CNGB1: variants seen among roughly 807,000 people sequenced by gnomAD.
The protein encoded by CNGB1 is cyclic nucleotide gated channel subunit beta 1.
A neutral mutation model predicts 151.7 loss-of-function variants in CNGB1; 126 were observed. The observed-to-expected ratio is 0.83, with a 90% CI of 0.72 to 0.96. The LOEUF is 0.96. Ranked by LOEUF, CNGB1 falls within the 40% of genes least tolerant of loss-of-function variation. CNGB1 has a pLI of 0.00. For missense variants in CNGB1, 1,698 were observed against 1,627.0 expected (o/e 1.04, Z -0.75); for synonymous variants, 623 against 635.1 (o/e 0.98, Z 0.29).
At chr16:57,892,545 C>T (rs1236886447) in intron 31 of CNGB1, among the ~76,000 whole-genome samples, 1 of 152,178 alleles carries the variant, frequency 6.6e-6, no homozygotes, top group African/African-American at 2.4e-5. Flanking sequence ...ATCAACACTA[C>T]ATCCTTTTAC....
At chr16:57,968,486 G>A (rs950201776) in intron 1 of CNGB1, among the ~76,000 whole-genome samples, 1 of 152,128 alleles carries the variant, frequency 6.6e-6, no homozygotes, top group African/African-American at 2.4e-5. Flanking sequence ...GACAGAGTGA[G>A]ATCCTGTCTC....
At chr16:57,912,313 T>G (rs1426551339) in intron 24 of CNGB1, among the ~76,000 whole-genome samples, 2 of 152,208 alleles carry the variant, frequency 1.3e-5, no homozygotes, top group Non-Finnish European at 2.9e-5. Flanking sequence ...TAGAGCTGGC[T>G]GGGGGCTCCA....
rs1960896249 is a variant in CNGB1, at chr16:57,917,312, C to T, written c.2122G>A (p.Val708Met). 4.3e-6 allele frequency: 7 copies of T among 1,614,096 alleles called. No homozygotes were observed. The highest frequency in any genetic ancestry group is 4.5e-5 in the East Asian group (2 of 44,864). Residue 708 changes from valine (V) to methionine (M), a missense_variant, in exon 21 of 33, where the codon GTG becomes ATG. By Grantham distance (21) the Val-to-Met change is conservative. Transcript: ENST00000251102. ...CDLIYFLDIT[V>M]FQTRLQFVRG... ...ACAAACTGCAGGCGTGTCTGGAACA[C>T]GGTGATGTCCAGGAAGTAGATGAGG...
chr16:57,946,059 C>A (rs1194986703), intron 14 of CNGB1, among the ~76,000 whole-genome samples: 2 of 152,150 alleles, frequency 1.3e-5, no homozygotes, highest in Admixed American at 1.3e-4. Flanking sequence ...CCTGCCAAGG[C>A]CCCCTCTTGT....
At chr16:57,945,744 T>C (rs1311435734) in intron 14 of CNGB1, among the ~76,000 whole-genome samples, 3 of 152,240 alleles carry the variant, frequency 2.0e-5, no homozygotes, top group African/African-American at 7.2e-5. Flanking sequence ...ATCTGTGAAA[T>C]GGGATGAGAG....
chr16:57,944,816 C>CAGTG (rs1179810525), intron 14 of CNGB1, among the ~76,000 whole-genome samples: 1 of 151,362 alleles, frequency 6.6e-6, no homozygotes, highest in Non-Finnish European at 1.5e-5. Flanking sequence ...TAGCCAGGCA[C>CAGTG]AGTGGTACAT....
At position 57,911,884 on chromosome 16, in the gene CNGB1, G is replaced by GGAACACAGCGCAT; in HGVS notation, c.2370-22_2370-10dup. On this transcript the variant is annotated splice_polypyrimidine_tract_variant and intron_variant, in intron 24 of 32. Coordinates refer to ENST00000251102, the MANE Select transcript of CNGB1 (RefSeq NM_001297.5). ...CTGTGGTCCTGATGACCCTGCAGAAGGAACACAGCGCATGAACACAGCGGC... is the reference window on the plus strand; with the variant it reads ...CTGTGGTCCTGATGACCCTGCAGAAGGAACACAGCGCATGAACACAGCGCATGAACACAGCGGC... 1 of 1,613,160 alleles carries GGAACACAGCGCAT rather than the reference G, an allele frequency of 6.2e-7. No individual in the cohort carries two copies. The highest frequency in any genetic ancestry group is 8.5e-7 in the Non-Finnish European group (1 of 1,179,448).
Position 57,950,496 on chromosome 16 carries a change from C to G in CNGB1, c.919G>C (p.Glu307Gln). 1.2e-6 allele frequency: 2 copies of G among 1,614,222 alleles called. No homozygotes were observed. Among genetic ancestry groups the G allele is most frequent in the Non-Finnish European group, 1.7e-6 (2 of 1,180,040 alleles). Reference sequence around the variant, plus strand: ...TCCTCCCAGGGCGGTTCAACCTCCTCTAGGACAAGGTCAGGCTCCACTTGT... The same window carrying G: ...TCCTCCCAGGGCGGTTCAACCTCCTGTAGGACAAGGTCAGGCTCCACTTGT... ...GGQVEPDLVL[E>Q]EVEPPWEDAH... The change falls in exon 13 of 33, where the codon GAG becomes CAG. Residue 307 changes from glutamate (E) to glutamine (Q), a missense_variant. Glu to Gln is a conservative substitution (Grantham distance 29). Transcript: ENST00000251102.
In CNGB1 at chr16:57,939,739, CCTT is replaced by C. The variant is rs1266192312; in HGVS notation, c.1210-150_1210-148del. The C allele has an allele frequency of 4.5e-6, 5 of 1,103,718 alleles. No individual in the cohort carries two copies. The Admixed American group carries it at 8.5e-5, about 19-fold the overall frequency. The allele number at this position is 1,103,718 out of a possible 1,614,324, so 68.4% of individuals were successfully genotyped here. A position where few individuals can be genotyped will look rare whatever the true frequency, so the allele number is the denominator to read the frequency against. ...CAGCCAGTCAGGTCCTGCCAGCCCACCTTCTGGGCATCCTGGGAGTAGCCTACA... is the reference window on the plus strand; with the variant it reads ...CAGCCAGTCAGGTCCTGCCAGCCCACCTGGGCATCCTGGGAGTAGCCTACA... On this transcript the variant is annotated intron_variant, in intron 15 of 32. Transcript: ENST00000251102.
At chr16:57,940,089 C>T (rs990685901) in intron 15 of CNGB1, 145 bp downstream of exon 15, 4 of 836,512 alleles carry the variant, frequency 4.8e-6, no homozygotes, top group Non-Finnish European at 3.9e-6. Flanking sequence ...GAGGGGGCCT[C>T]GCAGGACCCG....
At position 57,923,214 on chromosome 16, in the gene CNGB1, C is replaced by T. The variant is rs71387201; in HGVS notation, c.1643+59G>A. ...TCTAAAAGCATCCACACTAGCCCCC[C>T]CACATCCCCCACCCTCCCCGCAGTC... On this transcript the variant is annotated intron_variant, in intron 18 of 32. Coordinates refer to ENST00000251102, the MANE Select transcript of CNGB1 (RefSeq NM_001297.5). 0.043 allele frequency: 55,647 copies of T among 1,295,568 alleles called. 2,022 individuals are homozygous for T. The highest frequency in any genetic ancestry group is 0.081 in the African/African-American group (5,482 of 67,762). The allele number at this position is 1,295,568 out of a possible 1,614,324, so 80.3% of individuals were successfully genotyped here.
At chr16:57,946,173 C>T (rs1466721609) in intron 14 of CNGB1, among the ~76,000 whole-genome samples, 2 of 152,210 alleles carry the variant, frequency 1.3e-5, no homozygotes, top group Non-Finnish European at 2.9e-5. Flanking sequence ...TTCCTGGAGA[C>T]ACCCTCCGGC....
Position 57,883,902 on chromosome 16 carries a change from GGTAGGGCTCTCAAATGATA to G in CNGB1, c.*243_*261del, listed in dbSNP as rs1959823724. 8.5e-6 allele frequency: 5 copies of G among 587,650 alleles called. No homozygotes were observed. The South Asian group carries it at 1.0e-4, about 12-fold the overall frequency. 36.4% of individuals were successfully genotyped at this position (587,650 alleles called of 1,614,324 possible). Reference sequence around the variant, plus strand: ...TTAAAAAGAGGAACAGTCAGGAAAAGGTAGGGCTCTCAAATGATAGTGAGAGCTCAGGGACTCGAACACT... The same window carrying G: ...TTAAAAAGAGGAACAGTCAGGAAAAGGTGAGAGCTCAGGGACTCGAACACT... On this transcript the variant is annotated 3_prime_UTR_variant, in exon 33 of 33. Coordinates refer to ENST00000251102, the MANE Select transcript of CNGB1 (RefSeq NM_001297.5).
chr16:57,936,342 C>T (rs1961506835), intron 16 of CNGB1, among the ~76,000 whole-genome samples: 1 of 152,166 alleles, frequency 6.6e-6, no homozygotes, highest in African/African-American at 2.4e-5. Flanking sequence ...TATTCCATTT[C>T]CCTCCTTTCA....
intron 13 of CNGB1, among the ~76,000 whole-genome samples, chr16:57,949,821 T>A (rs1247897612): frequency 6.6e-6 from 1 of 152,236 alleles, no homozygotes; most frequent in African/African-American, 2.4e-5. Context: ...TTGGCAATCA[T>A]GACCACAATT....
In CNGB1 at chr16:57,903,711, G is replaced by A. The variant is rs56033685; in HGVS notation, c.2794+111C>T. On this transcript the variant is annotated intron_variant, in intron 27 of 32. Coordinates refer to ENST00000251102, the MANE Select transcript of CNGB1 (RefSeq NM_001297.5). ...ACAGCCAAGACAGGCCCCAGTACTCGGGACCTCAGAGACACAGAGGACGAG... is the reference window on the plus strand; with the variant it reads ...ACAGCCAAGACAGGCCCCAGTACTCAGGACCTCAGAGACACAGAGGACGAG... 12,955 of 1,319,792 alleles carry A rather than the reference G, an allele frequency of 9.8e-3. 79 individuals are homozygous for A. The highest frequency in any genetic ancestry group is 0.021 in the Middle Eastern group (84 of 3,966). The allele number at this position is 1,319,792 out of a possible 1,614,324, so 81.8% of individuals were successfully genotyped here.
chr16:57,917,650 A>G (rs1355033692), intron 20 of CNGB1, among the ~76,000 whole-genome samples, 174 bp from the exon 21 acceptor site: 1 of 150,642 alleles, frequency 6.6e-6, no homozygotes. Flanking sequence ...ACACACACAC[A>G]TACACACACA....
At chr16:57,922,731 C>T (rs1034328004) in intron 18 of CNGB1, among the ~76,000 whole-genome samples, 4 of 152,164 alleles carry the variant, frequency 2.6e-5, no homozygotes, top group Non-Finnish European at 5.9e-5. Context: ...GCCTGGCCGT[C>T]ATCATAGTGG....
intron 11 of CNGB1, among the ~76,000 whole-genome samples, chr16:57,958,195 C>A (rs1962138583): frequency 6.6e-6 from 1 of 152,214 alleles, no homozygotes; most frequent in Non-Finnish European, 1.5e-5. Context: ...TCTGCTCCCC[C>A]ACGGAAGCAC....
Sources: gnomAD v4.1 joint callset for allele counts (sites outside exome capture counted in the v4.1 genomes callset) on GRCh38, gnomAD v4.1.1 for gene constraint, MANE v1.5 for transcripts, NCBI Gene and HGNC (gene_info 2026-07-23, HGNC 2026-07-21) for gene names.